HOTAIR: variants seen among roughly 807,000 people sequenced by gnomAD.
HOTAIR encodes HOX transcript antisense RNA (non-protein coding).
Position 53,973,777 on chromosome 12 carries a change from G to A in HOTAIR, n.59+1121C>T. ...TGCTCCGGCAAGGGCGAGGCCAAGG[G>A]GGAGCCCGAGGCACCCCCGGCCTCG... On this transcript the variant is annotated intron_variant and non_coding_transcript_variant, in intron 1 of 6. Transcript: ENST00000424518. The surrounding 1 kb of genome is among the most constrained non-coding windows in gnomAD (Gnocchi z 4.3). 6.2e-7 allele frequency: 1 copy of A among 1,607,308 alleles called. No homozygotes were observed. Among genetic ancestry groups the A allele is most frequent in the Non-Finnish European group, 8.5e-7 (1 of 1,177,132 alleles).
intron 1 of HOTAIR, among the ~76,000 whole-genome samples, chr12:53,972,557 TC>T (rs897846588): frequency 3.3e-5 from 5 of 152,200 alleles, no homozygotes; most frequent in African/African-American, 1.2e-4. Context: ...CAGATACTCT[TC>T]CGGGAGTCTC....
rs1939176935 is a variant in HOTAIR, at chr12:53,973,140, A to C, written n.59+1758T>G. 2.4e-6 allele frequency: 2 copies of C among 842,662 alleles called. No individual in the cohort carries two copies. The highest frequency in any genetic ancestry group is 1.7e-5 in the African/African-American group (1 of 58,654). The allele number at this position is 842,662 out of a possible 1,614,324, so 52.2% of individuals were successfully genotyped here. On this transcript the variant is annotated intron_variant and non_coding_transcript_variant, in intron 1 of 6. Transcript: ENST00000424518. The surrounding 1 kb of genome is among the most constrained non-coding windows in gnomAD (Gnocchi z 4.3). Reference sequence around the variant, plus strand: ...CTTTGGATCACGTGCTCAGAGAGAGAGAGACTAAGACGGATAACGCGTCAT... The same window carrying C: ...CTTTGGATCACGTGCTCAGAGAGAGCGAGACTAAGACGGATAACGCGTCAT...
At chr12:53,964,008 T>C in exon 7 of HOTAIR, 1 of 152,446 alleles carries the variant, frequency 6.6e-6, no homozygotes. Flanking sequence ...CTTGCCTGCA[T>C]TTCTCTGCGT....
At chr12:53,962,528 A>G (rs1938969876) in exon 7 of HOTAIR, 2 of 152,188 alleles carry the variant, frequency 1.3e-5, no homozygotes, top group Admixed American at 1.3e-4. Flanking sequence ...GTGCATACCT[A>G]CCCAATGTAT....
chr12:53,973,402 C>A lies in HOTAIR; in HGVS notation n.59+1496G>T, dbSNP rs1426543039. On this transcript the variant is annotated intron_variant and non_coding_transcript_variant, in intron 1 of 6. Coordinates refer to ENST00000424518, the Ensembl canonical transcript of HOTAIR. The surrounding 1 kb of genome is among the most constrained non-coding windows in gnomAD (Gnocchi z 4.3). ...ACGGTCTCCTCCTTCCTGCCCCAGG[C>A]CCCCTCTCGTCAGATCTCCTATCCC... 12 of 1,614,116 alleles carry A rather than the reference C, an allele frequency of 7.4e-6. No homozygotes were observed. The highest frequency in any genetic ancestry group is 2.7e-5 in the African/African-American group (2 of 74,944).
At chr12:53,964,169 G>C (rs1319188027) in intron 6 of HOTAIR, 1 of 151,964 alleles carries the variant, frequency 6.6e-6, no homozygotes, top group African/African-American at 2.4e-5. Context: ...TCTCTTGCCA[G>C]AGTGAACACC....
intron 1 of HOTAIR, among the ~76,000 whole-genome samples, chr12:53,974,208 G>A (rs1336056146): frequency 1.3e-5 from 2 of 152,008 alleles, no homozygotes; most frequent in Non-Finnish European, 2.9e-5. Context: ...CTCGGTCTGT[G>A]AAATTTTTAA....
At chr12:53,962,892 G>C (rs757226391) in exon 7 of HOTAIR, 2 of 152,178 alleles carry the variant, frequency 1.3e-5, no homozygotes, top group Non-Finnish European at 2.9e-5. Flanking sequence ...AATCACTCCT[G>C]TATGGAACAA....
intron 1 of HOTAIR, among the ~76,000 whole-genome samples, chr12:53,972,221 G>A (rs1386790666): frequency 6.6e-6 from 1 of 152,212 alleles, no homozygotes; most frequent in Non-Finnish European, 1.5e-5. Context: ...AAAGGGCCCT[G>A]ACATAGAAGA....
intron 1 of HOTAIR, among the ~76,000 whole-genome samples, chr12:53,969,305 G>A (rs1724153719): frequency 1.3e-5 from 2 of 152,292 alleles, no homozygotes; most frequent in Admixed American, 6.5e-5. Context: ...AAATAGGGTC[G>A]GGTTGCTAGC....
At chr12:53,970,288 G>C (rs1285030455) in intron 1 of HOTAIR, among the ~76,000 whole-genome samples, 2 of 152,124 alleles carry the variant, frequency 1.3e-5, no homozygotes, top group Non-Finnish European at 2.9e-5. Context: ...GGGATTGGGG[G>C]CCAGGGATGG....
intron 5 of HOTAIR, among the ~76,000 whole-genome samples, chr12:53,965,733 G>A (rs1215438622): frequency 6.6e-6 from 1 of 151,412 alleles, no homozygotes; most frequent in Non-Finnish European, 1.5e-5. Context: ...AGAACAGCAG[G>A]AGAAAAAGAA....
exon 7 of HOTAIR, chr12:53,962,853 G>T (rs751492661): frequency 6.6e-6 from 1 of 152,178 alleles, no homozygotes; most frequent in Non-Finnish European, 1.5e-5. Context: ...AGAGTGCAAA[G>T]TCCCGTTTGC....
At chr12:53,969,193 C>T (rs1017954097) in intron 1 of HOTAIR, among the ~76,000 whole-genome samples, 6 of 152,228 alleles carry the variant, frequency 3.9e-5, no homozygotes, top group African/African-American at 1.2e-4. Context: ...CCAATAGCAG[C>T]GGCTCCATTT....
chr12:53,973,727 C>A lies in HOTAIR; in HGVS notation n.59+1171G>T. The A allele has an allele frequency of 6.2e-7, 1 of 1,612,174 alleles. No individual in the cohort carries two copies. The highest frequency in any genetic ancestry group is 8.5e-7 in the Non-Finnish European group (1 of 1,179,454). The stretch of plus-strand genomic sequence containing the variant: ...TCTTCGACAACGCCTACTGCGGTGG[C>A]GGCGACCCGCCCGCCGAGCCCCCCT... On this transcript the variant is annotated intron_variant and non_coding_transcript_variant, in intron 1 of 6. Coordinates refer to ENST00000424518, the Ensembl canonical transcript of HOTAIR. This position sits in a 1 kb window ranked among gnomAD's most constrained non-coding sequence, Gnocchi z 4.3.
Position 53,973,517 on chromosome 12 carries a change from C to A in HOTAIR, n.59+1381G>T, listed in dbSNP as rs1939186345. 4 of 1,613,846 alleles carry A rather than the reference C, an allele frequency of 2.5e-6. No individual in the cohort carries two copies. The highest frequency in any genetic ancestry group is 1.3e-5 in the African/African-American group (1 of 74,932). On this transcript the variant is annotated intron_variant and non_coding_transcript_variant, in intron 1 of 6. Transcript: ENST00000424518. The surrounding 1 kb of genome is among the most constrained non-coding windows in gnomAD (Gnocchi z 4.3). Reference sequence around the variant, plus strand: ...ACCATCGGAACAGCTACTCCTCCTGCTATGCGGCGGCCGACGAGCTTATGC... The same window carrying A: ...ACCATCGGAACAGCTACTCCTCCTGATATGCGGCGGCCGACGAGCTTATGC...
chr12:53,973,717 A>T lies in HOTAIR; in HGVS notation n.59+1181T>A. On this transcript the variant is annotated intron_variant and non_coding_transcript_variant, in intron 1 of 6. Transcript: ENST00000424518. The surrounding 1 kb of genome is among the most constrained non-coding windows in gnomAD (Gnocchi z 4.3). ...TTCGACCGTTTCTTCGACAACGCCT[A>T]CTGCGGTGGCGGCGACCCGCCCGCC... The T allele has an allele frequency of 6.2e-7, 1 of 1,613,118 alleles. No homozygotes were observed. The highest frequency in any genetic ancestry group is 1.1e-5 in the South Asian group (1 of 91,082).
chr12:53,973,441 T>A lies in HOTAIR; in HGVS notation n.59+1457A>T. The A allele has an allele frequency of 6.2e-7, 1 of 1,614,132 alleles. No homozygotes were observed. The highest frequency in any genetic ancestry group is 8.5e-7 in the Non-Finnish European group (1 of 1,180,022). On this transcript the variant is annotated intron_variant and non_coding_transcript_variant, in intron 1 of 6. Transcript: ENST00000424518. This position sits in a 1 kb window ranked among gnomAD's most constrained non-coding sequence, Gnocchi z 4.3. ...ATCTCCTATCCCTACTCGGCCCAAG[T>A]GCCCCCGGTCCGGGAGGTCTCCTAC...
At chr12:53,962,546 A>T (rs565281087) in exon 7 of HOTAIR, 1 of 152,304 alleles carries the variant, frequency 6.6e-6, no homozygotes, top group Admixed American at 6.5e-5. Context: ...TATGGAAAAT[A>T]TATTCTGTGA....
Sources: allele counts gnomAD v4.1 joint callset (sites outside exome capture counted in the v4.1 genomes callset), GRCh38; gene constraint gnomAD v4.1.1; non-coding constraint Gnocchi (gnomAD v3.1); transcripts MANE v1.5; gene names NCBI Gene and HGNC (gene_info 2026-07-23, HGNC 2026-07-21).